Variants in TSHZ2 observed in about 807,000 individuals in gnomAD.
TSHZ2 encodes teashirt homolog 2.
A neutral mutation model predicts 74.4 loss-of-function variants in TSHZ2; 21 were observed. The observed-to-expected ratio is 0.28, with a 90% CI of 0.20 to 0.41. The LOEUF (loss-of-function observed/expected upper bound fraction) is 0.41. Ranked by LOEUF, TSHZ2 falls within the 10% of genes least tolerant of loss-of-function variation. TSHZ2 has a pLI of 1.00. For missense variants in TSHZ2, 1,244 were observed against 1,293.5 expected, an observed-to-expected ratio of 0.96 and a Z score of 0.59; for synonymous variants, 540 against 515.3, an observed-to-expected ratio of 1.05 and a Z score of -0.65.
intron 2 of TSHZ2, among the ~76,000 whole-genome samples, chr20:53,486,735 A>G (rs1986298469): frequency 6.6e-6 from 1 of 152,184 alleles, no homozygotes. Context: ...GTACATGTGC[A>G]GTTTGTTGCA....
intron 2 of TSHZ2, among the ~76,000 whole-genome samples, chr20:53,270,368 A>G (rs113841615): frequency 9.2e-5 from 14 of 152,238 alleles, no homozygotes; most frequent in Non-Finnish European, 1.9e-4. Flanking sequence ...GGCCTTATGT[A>G]TCCTATCTCA....
chr20:53,485,074 G>C (rs1255886185), intron 2 of TSHZ2, among the ~76,000 whole-genome samples: 1 of 152,168 alleles, frequency 6.6e-6, no homozygotes, highest in Non-Finnish European at 1.5e-5. Context: ...CCAGAGCAAA[G>C]TTCTTGGAAA....
At chr20:53,368,467 C>G (rs1384919159) in intron 2 of TSHZ2, among the ~76,000 whole-genome samples, 1 of 152,058 alleles carries the variant, frequency 6.6e-6, no homozygotes, top group African/African-American at 2.4e-5. Flanking sequence ...CAACCCCCAG[C>G]TAATTTTTTT....
intron 1 of TSHZ2, among the ~76,000 whole-genome samples, chr20:53,253,110 T>C (rs1990365473): frequency 6.6e-6 from 1 of 152,168 alleles, no homozygotes; most frequent in Non-Finnish European, 1.5e-5. Flanking sequence ...AGTCTCCCTA[T>C]GAGCCAACAT....
At chr20:53,175,377 G>A (rs1412396160) in intron 1 of TSHZ2, among the ~76,000 whole-genome samples, 2 of 151,770 alleles carry the variant, frequency 1.3e-5, no homozygotes, top group African/African-American at 4.8e-5. Context: ...CCTGACCTCA[G>A]GTGATCCACC....
intron 2 of TSHZ2, among the ~76,000 whole-genome samples, chr20:53,443,827 G>T (rs1984436586): frequency 6.6e-6 from 1 of 152,132 alleles, no homozygotes; most frequent in Admixed American, 6.5e-5. Flanking sequence ...ATAATTAGTT[G>T]AAAGTACCCA....
chr20:53,146,125 G>C (rs112757009), intron 1 of TSHZ2, among the ~76,000 whole-genome samples: 11 of 152,148 alleles, frequency 7.2e-5, no homozygotes, highest in African/African-American at 2.7e-4. Context: ...GAATTTTAGA[G>C]TTTGATTTAG....
At chr20:53,295,645 T>TA (rs1179332895) in intron 2 of TSHZ2, among the ~76,000 whole-genome samples, 3 of 152,046 alleles carry the variant, frequency 2.0e-5, no homozygotes, top group African/African-American at 7.2e-5. Context: ...CAGTATAACT[T>TA]AACAAAAAAA....
chr20:53,102,426 G>C (rs1292442321), intron 1 of TSHZ2, among the ~76,000 whole-genome samples: 2 of 151,020 alleles, frequency 1.3e-5, no homozygotes, highest in Non-Finnish European at 2.9e-5. Flanking sequence ...GAAAGGAAAG[G>C]GAAAGAAAAG....
intron 1 of TSHZ2, among the ~76,000 whole-genome samples, chr20:53,200,369 G>A (rs1600737228): frequency 1.3e-5 from 2 of 152,334 alleles, no homozygotes; most frequent in African/African-American, 4.8e-5. Flanking sequence ...CACCAAGGAT[G>A]CCAGTAAGGC....
intron 2 of TSHZ2, among the ~76,000 whole-genome samples, chr20:53,362,401 G>A (rs1231253978): frequency 6.6e-6 from 1 of 151,206 alleles, no homozygotes; most frequent in Non-Finnish European, 1.5e-5. Flanking sequence ...AGCCAGGATG[G>A]TCTCAATCTC....
chr20:53,485,143 C>T (rs1167065637), intron 2 of TSHZ2, among the ~76,000 whole-genome samples: 1 of 152,188 alleles, frequency 6.6e-6, no homozygotes, highest in Non-Finnish European at 1.5e-5. Context: ...TATCTTTTGA[C>T]AGGAATTCCA....
intron 2 of TSHZ2, among the ~76,000 whole-genome samples, chr20:53,273,883 A>C (rs1206304449): frequency 6.6e-6 from 1 of 152,148 alleles, no homozygotes; most frequent in Non-Finnish European, 1.5e-5. Flanking sequence ...TGGGCTCTAG[A>C]GGACCAGGAT....
intron 2 of TSHZ2, among the ~76,000 whole-genome samples, chr20:53,349,494 A>G (rs1980562386): frequency 6.6e-6 from 1 of 152,060 alleles, no homozygotes; most frequent in African/African-American, 2.4e-5. Flanking sequence ...TCTACAAACA[A>G]TATGAAAACT....
At chr20:53,462,363 G>T (rs1296469287) in intron 2 of TSHZ2, among the ~76,000 whole-genome samples, 2 of 152,230 alleles carry the variant, frequency 1.3e-5, no homozygotes, top group African/African-American at 2.4e-5. Context: ...TAAAGATTCT[G>T]TGTCCAGGCA....
chr20:53,473,228 C>G (rs1233901769), intron 2 of TSHZ2, among the ~76,000 whole-genome samples: 1 of 144,956 alleles, frequency 6.9e-6, no homozygotes, highest in Non-Finnish European at 1.5e-5. Flanking sequence ...AAAAAGACAG[C>G]AGTAACCTCT....
chr20:53,265,047 G>C (rs986895903), intron 2 of TSHZ2, among the ~76,000 whole-genome samples: 2 of 152,166 alleles, frequency 1.3e-5, no homozygotes, highest in Admixed American at 6.5e-5. Context: ...TGGATCTGCA[G>C]ATGTATCAGG....
chr20:53,185,576 C>CTGT, intron 1 of TSHZ2: 4 of 1,504,024 alleles, frequency 2.7e-6, no homozygotes, highest in Non-Finnish European at 3.6e-6. Flanking sequence ...GCTGAGATCA[C>CTGT]GCCACTGCAC....
intron 1 of TSHZ2, among the ~76,000 whole-genome samples, chr20:53,132,207 A>C (rs1187645836): frequency 6.6e-6 from 1 of 152,078 alleles, no homozygotes; most frequent in Non-Finnish European, 1.5e-5. Context: ...ATCTTTTGAG[A>C]ACAGAGCTAG....
Sources: gnomAD v4.1 joint callset for allele counts (sites outside exome capture counted in the v4.1 genomes callset) on GRCh38, gnomAD v4.1.1 for gene constraint, MANE v1.5 for transcripts, NCBI Gene and HGNC (gene_info 2026-07-23, HGNC 2026-07-21) for gene names.